FNIP2: variants seen among roughly 807,000 people sequenced by gnomAD.
The protein encoded by FNIP2 is folliculin-interacting protein 2.
A neutral mutation model predicts 108.7 loss-of-function variants in FNIP2; 32 were observed. The ratio of observed to expected loss-of-function variants is 0.29; its 90% CI spans 0.22 to 0.40. The LOEUF is 0.40. Ranked by LOEUF, FNIP2 falls within the 10% of genes least tolerant of loss-of-function variation. FNIP2 has a pLI of 1.00. For synonymous variants in FNIP2, 480 were observed against 496.7 expected, an observed-to-expected ratio of 0.97 and a Z score of 0.45; for missense variants, 1,202 against 1,381.6, an observed-to-expected ratio of 0.87 and a Z score of 2.06.
In FNIP2 at chr4:158,883,594, C is replaced by T. The variant is rs576767222; in HGVS notation, c.2950-7852C>T. Reference sequence around the variant, plus strand: ...GTGGCTTATCCCTGATAGTTAAACCCACACTGTTATAACTATTGTGCAGAT... The same window carrying T: ...GTGGCTTATCCCTGATAGTTAAACCTACACTGTTATAACTATTGTGCAGAT... On this transcript the variant is annotated intron_variant, in intron 14 of 16. Transcript: ENST00000264433. Among the ~76,000 whole-genome samples the T allele has an allele frequency of 2.9e-4, 44 of 152,286 alleles. No homozygotes were observed. The South Asian group carries it at 8.3e-3, about 29-fold the overall frequency.
intron 16 of FNIP2, among the ~76,000 whole-genome samples, chr4:158,900,823 G>A (rs1729161667): frequency 6.6e-6 from 1 of 152,134 alleles, no homozygotes; most frequent in Non-Finnish European, 1.5e-5. Context: ...GGGGCATTTA[G>A]CCCGTATTTG....
chr4:158,886,927 C>T (rs912393881), intron 14 of FNIP2, among the ~76,000 whole-genome samples: 4 of 152,148 alleles, frequency 2.6e-5, no homozygotes, highest in African/African-American at 4.8e-5. Flanking sequence ...TAACAAAACC[C>T]TTTGGGAAAA....
At chr4:158,800,748 T>G (rs957776586) in intron 1 of FNIP2, among the ~76,000 whole-genome samples, 2 of 152,218 alleles carry the variant, frequency 1.3e-5, no homozygotes, top group East Asian at 3.8e-4. Flanking sequence ...ACATTTAGTT[T>G]TATAAAAGCA....
chr4:158,813,291 T>C (rs1777382949), intron 1 of FNIP2, among the ~76,000 whole-genome samples: 1 of 152,204 alleles, frequency 6.6e-6, no homozygotes, highest in Non-Finnish European at 1.5e-5. Flanking sequence ...CCAAGACAAC[T>C]GCACCACCAG....
intron 7 of FNIP2, among the ~76,000 whole-genome samples, chr4:158,850,897 C>A (rs544947333): frequency 6.6e-6 from 1 of 152,006 alleles, no homozygotes; most frequent in African/African-American, 2.4e-5. Context: ...TATGGGCCTG[C>A]TAATTTGTGC....
chr4:158,846,814 C>CA (rs1779427983), intron 7 of FNIP2, among the ~76,000 whole-genome samples: 1 of 152,080 alleles, frequency 6.6e-6, no homozygotes, highest in Admixed American at 6.5e-5. Flanking sequence ...TCCACACACA[C>CA]AAAAAAATAA....
intron 12 of FNIP2, among the ~76,000 whole-genome samples, chr4:158,863,867 GC>G (rs1289516403): frequency 6.6e-6 from 1 of 152,132 alleles, no homozygotes; most frequent in Non-Finnish European, 1.5e-5. Context: ...ATGAAAAGGA[GC>G]TTTTCTACCC....
At chr4:158,850,052 A>G (rs1302492869) in intron 7 of FNIP2, among the ~76,000 whole-genome samples, 1 of 152,222 alleles carries the variant, frequency 6.6e-6, no homozygotes, top group Non-Finnish European at 1.5e-5. Flanking sequence ...CACACCTGGC[A>G]TTACTTATTA....
rs1464003969 is a variant in FNIP2, at chr4:158,906,356, G to T, written c.*1812G>T. 1 of 152,024 alleles carries T rather than the reference G, an allele frequency of 6.6e-6. No homozygotes were observed. Among genetic ancestry groups the T allele is most frequent in the Non-Finnish European group, 1.5e-5 (1 of 67,992 alleles). The allele number at this position is 152,024 out of a possible 1,614,324, so 9.4% of individuals were successfully genotyped here. A position where few individuals can be genotyped will look rare whatever the true frequency, so the allele number is the denominator to read the frequency against. On this transcript the variant is annotated 3_prime_UTR_variant, in exon 17 of 17. Transcript: ENST00000264433. Reference sequence around the variant, plus strand: ...CCTCGTCTCTAGTTCCTTTTTTCTTGTTTACATGTTTTGGGCACTTTCCCT... The same window carrying T: ...CCTCGTCTCTAGTTCCTTTTTTCTTTTTTACATGTTTTGGGCACTTTCCCT...
intron 14 of FNIP2, among the ~76,000 whole-genome samples, chr4:158,886,893 T>A (rs1380224317): frequency 1.3e-5 from 2 of 152,224 alleles, no homozygotes; most frequent in African/African-American, 4.8e-5. Context: ...TTTGGTTTGT[T>A]TTTCTAGAGA....
At chr4:158,810,682 G>A (rs1476963639) in intron 1 of FNIP2, among the ~76,000 whole-genome samples, 1 of 152,138 alleles carries the variant, frequency 6.6e-6, no homozygotes, top group Non-Finnish European at 1.5e-5. Flanking sequence ...ATCAGCTTTT[G>A]TCTCGGTCAT....
At chr4:158,819,024 A>G (rs1176868096) in intron 1 of FNIP2, among the ~76,000 whole-genome samples, 1 of 152,198 alleles carries the variant, frequency 6.6e-6, no homozygotes. Context: ...ATAAGTCCCT[A>G]TAGACATTTA....
intron 1 of FNIP2, among the ~76,000 whole-genome samples, chr4:158,791,991 C>G (rs1252979087): frequency 6.6e-6 from 1 of 152,118 alleles, no homozygotes; most frequent in Non-Finnish European, 1.5e-5. Flanking sequence ...GTGGTCCCAG[C>G]TACTTGGGAA....
intron 2 of FNIP2, among the ~76,000 whole-genome samples, chr4:158,828,745 A>G (rs1435067567): frequency 1.3e-5 from 2 of 152,230 alleles, no homozygotes; most frequent in Non-Finnish European, 2.9e-5. Flanking sequence ...AATGTAATGG[A>G]TTATGACTCT....
intron 14 of FNIP2, among the ~76,000 whole-genome samples, chr4:158,876,142 C>G (rs1169031055): frequency 6.6e-6 from 1 of 152,150 alleles, no homozygotes; most frequent in African/African-American, 2.4e-5. Flanking sequence ...CTGGGTATCC[C>G]CAACTCCAAT....
At chr4:158,894,340 T>C (rs1326913496) in intron 15 of FNIP2, among the ~76,000 whole-genome samples, 1 of 151,996 alleles carries the variant, frequency 6.6e-6, no homozygotes, top group Non-Finnish European at 1.5e-5. Flanking sequence ...GCCCAGGTAA[T>C]TTTTTAATTT....
At chr4:158,822,833 G>T (rs889968805) in intron 1 of FNIP2, among the ~76,000 whole-genome samples, 3 of 151,986 alleles carry the variant, frequency 2.0e-5, no homozygotes, top group Non-Finnish European at 4.4e-5. Context: ...AAAGCATTTG[G>T]ATCAAAAAAT....
chr4:158,870,607 C>A, intron 14 of FNIP2, 138 bp downstream of exon 14: 2 of 1,154,534 alleles, frequency 1.7e-6, no homozygotes, highest in Non-Finnish European at 2.4e-6. Flanking sequence ...TGGGAACCAG[C>A]TAGGGCTAGT....
chr4:158,894,961 T>C (rs982289819), intron 15 of FNIP2, among the ~76,000 whole-genome samples: 1 of 152,134 alleles, frequency 6.6e-6, no homozygotes, highest in Admixed American at 6.5e-5. Context: ...GGCCTAATGG[T>C]CTAGAAGAAA....
Sources: allele counts gnomAD v4.1 joint callset (sites outside exome capture counted in the v4.1 genomes callset), GRCh38; gene constraint gnomAD v4.1.1; transcripts MANE v1.5; gene names NCBI Gene and HGNC (gene_info 2026-07-23, HGNC 2026-07-21).